Variants in RIT2 observed in about 807,000 individuals in gnomAD.
RIT2 encodes Ras like without CAAX 2, also known as GTP-binding protein Rit2.
Under a neutral mutation model 23.7 loss-of-function variants are expected in RIT2, and 24 were observed. The ratio of observed to expected loss-of-function variants is 1.01; its 90% CI spans 0.73 to 1.43. RIT2 has a LOEUF of 1.43. Ranked by LOEUF, RIT2 falls within the 40% of genes most tolerant of loss-of-function variation. RIT2 has a pLI of 0.00. For missense variants in RIT2, 236 were observed against 266.9 expected, an observed-to-expected ratio of 0.88 and a Z score of 0.81; for synonymous variants, 107 against 91.1, an observed-to-expected ratio of 1.17 and a Z score of -0.99.
At chr18:42,808,811 C>A (rs768961756) in intron 4 of RIT2, among the ~76,000 whole-genome samples, 33 of 152,028 alleles carry the variant, frequency 2.2e-4, no homozygotes, top group Non-Finnish European at 4.0e-4. Context: ...GATCTTAGCT[C>A]TAAAAACAGC....
intron 1 of RIT2, among the ~76,000 whole-genome samples, chr18:43,110,973 G>A (rs1253658518): frequency 6.6e-6 from 1 of 151,992 alleles, no homozygotes; most frequent in Non-Finnish European, 1.5e-5. Flanking sequence ...TTTTATAGGG[G>A]GTGGCAGTAT....
At chr18:42,987,376 C>T (rs1248914053) in intron 2 of RIT2, among the ~76,000 whole-genome samples, 1 of 152,068 alleles carries the variant, frequency 6.6e-6, no homozygotes, top group Non-Finnish European at 1.5e-5. Flanking sequence ...AAAAATATTC[C>T]CTCACCCTGC....
chr18:43,080,277 GAGAA>G (rs1913126029), intron 1 of RIT2, among the ~76,000 whole-genome samples: 1 of 152,130 alleles, frequency 6.6e-6, no homozygotes, highest in South Asian at 2.1e-4. Context: ...TTCTAATGAT[GAGAA>G]AAACAAGGTC....
intron 4 of RIT2, among the ~76,000 whole-genome samples, chr18:42,838,391 A>T (rs1279958509): frequency 6.6e-6 from 1 of 152,156 alleles, no homozygotes; most frequent in African/African-American, 2.4e-5. Context: ...GATTTTTAAA[A>T]TAACTTCTAG....
intron 1 of RIT2, among the ~76,000 whole-genome samples, chr18:43,038,090 A>G (rs1415731284): frequency 2.0e-5 from 3 of 151,478 alleles, no homozygotes; most frequent in African/African-American, 7.3e-5. Flanking sequence ...CTGTAATCCT[A>G]GCTACTCGGG....
intron 4 of RIT2, among the ~76,000 whole-genome samples, chr18:42,840,231 T>C (rs981193934): frequency 1.3e-5 from 2 of 152,248 alleles, no homozygotes; most frequent in Non-Finnish European, 2.9e-5. Context: ...TCTCTTGCTA[T>C]GAATAAATAG....
At chr18:42,921,729 C>T (rs1174913508) in intron 4 of RIT2, among the ~76,000 whole-genome samples, 2 of 152,032 alleles carry the variant, frequency 1.3e-5, no homozygotes, top group Non-Finnish European at 2.9e-5. Flanking sequence ...CTAACTGAAA[C>T]CCTGTCAGAG....
At chr18:43,072,088 G>A (rs1912911539) in intron 1 of RIT2, among the ~76,000 whole-genome samples, 1 of 151,914 alleles carries the variant, frequency 6.6e-6, no homozygotes, top group South Asian at 2.1e-4. Context: ...CGGGTGCAAG[G>A]GAATCTCCTG....
At chr18:42,957,537 A>C (rs1909999875) in intron 3 of RIT2, among the ~76,000 whole-genome samples, 1 of 152,160 alleles carries the variant, frequency 6.6e-6, no homozygotes, top group African/African-American at 2.4e-5. Flanking sequence ...TAATCCCAGC[A>C]CTTTGGGAGG....
chr18:42,747,080 G>A (rs540310824), intron 4 of RIT2, among the ~76,000 whole-genome samples: 1 of 152,052 alleles, frequency 6.6e-6, no homozygotes, highest in African/African-American at 2.4e-5. Flanking sequence ...AGAAATAAAG[G>A]ACATTCAAAC....
chr18:42,953,295 A>C (rs1229509523), intron 3 of RIT2, among the ~76,000 whole-genome samples: 2 of 152,184 alleles, frequency 1.3e-5, no homozygotes, highest in African/African-American at 4.8e-5. Context: ...AATTTCTCCT[A>C]AAACCTTATC....
chr18:42,771,205 C>G (rs1913544242), intron 4 of RIT2, among the ~76,000 whole-genome samples: 1 of 152,138 alleles, frequency 6.6e-6, no homozygotes, highest in African/African-American at 2.4e-5. Context: ...CATGTCTTTC[C>G]TTTCTCATCA....
chr18:43,055,812 A>C (rs564873494), intron 1 of RIT2, among the ~76,000 whole-genome samples: 6 of 152,220 alleles, frequency 3.9e-5, no homozygotes, highest in African/African-American at 1.4e-4. Flanking sequence ...CAAGGAACAT[A>C]AAACTTCAGA....
intron 4 of RIT2, among the ~76,000 whole-genome samples, chr18:42,837,942 T>C (rs1175242426): frequency 3.3e-5 from 5 of 152,128 alleles, no homozygotes; most frequent in Non-Finnish European, 7.4e-5. Flanking sequence ...AAACGAAGCA[T>C]ATCAATTAAC....
At chr18:43,099,228 G>C (rs573488504) in intron 1 of RIT2, among the ~76,000 whole-genome samples, 5 of 152,104 alleles carry the variant, frequency 3.3e-5, no homozygotes, top group Admixed American at 2.0e-4. Flanking sequence ...ATGATGGCTG[G>C]AAAGCTATAG....
intron 4 of RIT2, among the ~76,000 whole-genome samples, chr18:42,807,982 T>A (rs1396626382): frequency 6.6e-6 from 1 of 152,230 alleles, no homozygotes; most frequent in Non-Finnish European, 1.5e-5. Context: ...TCCTGGCATA[T>A]GTGGATGATG....
At chr18:42,986,447 G>A (rs747607177) in intron 2 of RIT2, among the ~76,000 whole-genome samples, 1 of 152,088 alleles carries the variant, frequency 6.6e-6, no homozygotes, top group Non-Finnish European at 1.5e-5. Flanking sequence ...GTGGTTTTTA[G>A]TTGGTTGGTT....
In RIT2 at chr18:42,914,927, C is replaced by T. The variant is rs9947418; in HGVS notation, c.426+8645G>A. ...ACACATTTGTTTGTAACTTCTTGTG[C>T]GTCTGTAATTATTTCTAAATAAACA... On this transcript the variant is annotated intron_variant, in intron 4 of 4. Transcript: ENST00000326695. Among the ~76,000 whole-genome samples, 1,108 of 151,634 alleles carry T rather than the reference C, an allele frequency of 7.3e-3. 11 individuals are homozygous for T. Among genetic ancestry groups the T allele is most frequent in the African/African-American group, 0.019 (793 of 41,340 alleles).
chr18:42,783,599 G>A (rs1319812169), intron 4 of RIT2, among the ~76,000 whole-genome samples: 1 of 151,900 alleles, frequency 6.6e-6, no homozygotes, highest in Non-Finnish European at 1.5e-5. Context: ...AGGACACAAG[G>A]GGGCACACAG....
Sources: gnomAD v4.1 joint callset for allele counts (sites outside exome capture counted in the v4.1 genomes callset) on GRCh38, gnomAD v4.1.1 for gene constraint, MANE v1.5 for transcripts, NCBI Gene and HGNC (gene_info 2026-07-23, HGNC 2026-07-21) for gene names.